PTPRN2: variants seen among roughly 807,000 people sequenced by gnomAD.
PTPRN2 encodes the protein receptor-type tyrosine-protein phosphatase N2.
A neutral mutation model predicts 118.8 loss-of-function variants in PTPRN2; 74 were observed. That is an observed-to-expected ratio of 0.62 (90% CI 0.52 to 0.76). The LOEUF is 0.76. Among genes scored for constraint, PTPRN2 ranks in the 30% least tolerant of loss-of-function variants. The probability of loss-of-function intolerance (pLI) is 0.00; values close to 1 mark genes in which losing one functional copy is unlikely to be tolerated. For missense variants in PTPRN2, 1,481 were observed against 1,394.4 expected, an observed-to-expected ratio of 1.06 and a Z score of -0.99; for synonymous variants, 641 against 608.0, an observed-to-expected ratio of 1.05 and a Z score of -0.80.
chr7:158,272,661 C>T (rs900875014), intron 3 of PTPRN2, among the ~76,000 whole-genome samples: 7 of 152,286 alleles, frequency 4.6e-5, no homozygotes, highest in South Asian at 2.1e-4. Context: ...AGTCAAATCT[C>T]GGAGCACCAG....
chr7:158,280,156 T>C (rs1221136019), intron 3 of PTPRN2, among the ~76,000 whole-genome samples: 1 of 152,234 alleles, frequency 6.6e-6, no homozygotes, highest in Non-Finnish European at 1.5e-5. Flanking sequence ...GACCGCATAA[T>C]ATGAATTGTG....
chr7:158,053,202 A>G (rs1380467558), intron 11 of PTPRN2, among the ~76,000 whole-genome samples: 1 of 152,174 alleles, frequency 6.6e-6, no homozygotes, highest in Admixed American at 6.5e-5. Flanking sequence ...GGAATTTCTG[A>G]GTGTGCCTTC....
At chr7:158,312,238 GCACACACACCTGCACA>G (rs1801852307) in intron 3 of PTPRN2, among the ~76,000 whole-genome samples, 1 of 104,652 alleles carries the variant, frequency 9.6e-6, no homozygotes, top group Admixed American at 8.3e-5. Context: ...CCACACACAT[GCACACACACCTGCACA>G]CGCACTCACG....
At chr7:157,970,520 C>G (rs1162161827) in intron 11 of PTPRN2, among the ~76,000 whole-genome samples, 2 of 152,272 alleles carry the variant, frequency 1.3e-5, no homozygotes, top group East Asian at 3.9e-4. Flanking sequence ...ACGCTGATGG[C>G]GTCCTCACCA....
At chr7:157,562,130 G>A (rs535843253) in intron 21 of PTPRN2, among the ~76,000 whole-genome samples, 1 of 152,210 alleles carries the variant, frequency 6.6e-6, no homozygotes, top group East Asian at 1.9e-4. Flanking sequence ...CCACCAAGGG[G>A]GATCGGCAGT....
intron 2 of PTPRN2, among the ~76,000 whole-genome samples, chr7:158,374,298 T>C (rs921688089): frequency 2.0e-5 from 3 of 152,074 alleles, no homozygotes; most frequent in African/African-American, 7.2e-5. Context: ...CCACTGGAAA[T>C]GGAACTCTCC....
intron 12 of PTPRN2, among the ~76,000 whole-genome samples, chr7:157,714,401 C>A (rs563998836): frequency 1.3e-5 from 2 of 152,162 alleles, no homozygotes; most frequent in East Asian, 3.8e-4. Flanking sequence ...GCTGGGCTTG[C>A]GACCTCAGTC....
At chr7:158,382,769 G>C (rs1811059086) in intron 2 of PTPRN2, among the ~76,000 whole-genome samples, 1 of 152,174 alleles carries the variant, frequency 6.6e-6, no homozygotes, top group South Asian at 2.1e-4. Context: ...GAGTGCTGGG[G>C]AGCAGCTGCA....
chr7:158,271,447 C>T (rs777327418), intron 3 of PTPRN2, among the ~76,000 whole-genome samples: 1 of 152,192 alleles, frequency 6.6e-6, no homozygotes, highest in Non-Finnish European at 1.5e-5. Flanking sequence ...TAAGCAATAC[C>T]AATGGTCACA....
intron 12 of PTPRN2, among the ~76,000 whole-genome samples, chr7:157,697,926 CT>C (rs989041778): frequency 6.7e-6 from 1 of 149,828 alleles, no homozygotes; most frequent in African/African-American, 2.5e-5. Flanking sequence ...CATACTGGGT[CT>C]TGGCAGAGCC....
At chr7:158,520,846 G>A (rs1040774140) in intron 1 of PTPRN2, among the ~76,000 whole-genome samples, 6 of 152,088 alleles carry the variant, frequency 3.9e-5, no homozygotes, top group Admixed American at 1.3e-4. Flanking sequence ...GCACCAGATC[G>A]GTAACCCCAG....
At chr7:158,515,388 T>A (rs1035900513) in intron 1 of PTPRN2, among the ~76,000 whole-genome samples, 1 of 152,120 alleles carries the variant, frequency 6.6e-6, no homozygotes, top group Non-Finnish European at 1.5e-5. Context: ...GGTTTCTCCA[T>A]GTTGGTCAGG....
At chr7:158,434,896 C>T (rs1816471647) in intron 2 of PTPRN2, among the ~76,000 whole-genome samples, 1 of 152,122 alleles carries the variant, frequency 6.6e-6, no homozygotes, top group South Asian at 2.1e-4. Context: ...ACTGGATACA[C>T]ACATGCACAT....
At chr7:158,315,408 C>T (rs910696266) in intron 3 of PTPRN2, among the ~76,000 whole-genome samples, 26 of 151,670 alleles carry the variant, frequency 1.7e-4, no homozygotes, top group African/African-American at 5.6e-4. Context: ...GAACCCAGGA[C>T]GCCCTCAAGG....
At chr7:158,371,115 G>A (rs1057443713) in intron 2 of PTPRN2, among the ~76,000 whole-genome samples, 1 of 152,180 alleles carries the variant, frequency 6.6e-6, no homozygotes, top group Non-Finnish European at 1.5e-5. Flanking sequence ...AACTTGACCA[G>A]GTATGTGACT....
intron 3 of PTPRN2, among the ~76,000 whole-genome samples, chr7:158,296,772 T>C (rs887197879): frequency 1.3e-5 from 2 of 152,170 alleles, no homozygotes; most frequent in African/African-American, 2.4e-5. Flanking sequence ...TTTCACTTCA[T>C]CTCAACCCTC....
chr7:158,363,731 T>C (rs1474023434), intron 2 of PTPRN2, among the ~76,000 whole-genome samples: 1 of 151,798 alleles, frequency 6.6e-6, no homozygotes, highest in East Asian at 1.9e-4. Context: ...CCAGGAGAGG[T>C]CGGGAGGGGG....
At chr7:158,068,938 A>G (rs187145609) in intron 11 of PTPRN2, among the ~76,000 whole-genome samples, 31 of 152,318 alleles carry the variant, frequency 2.0e-4, no homozygotes, top group African/African-American at 7.0e-4. Flanking sequence ...CAGTGCTAAA[A>G]TATCAACACA....
At chr7:157,691,027 G>C (rs1353322443) in intron 12 of PTPRN2, among the ~76,000 whole-genome samples, 2 of 147,822 alleles carry the variant, frequency 1.4e-5, no homozygotes, top group Non-Finnish European at 3.0e-5. Flanking sequence ...GGCCGGCGGC[G>C]GCGCGGCTCG....
Sources: gnomAD v4.1 joint callset for allele counts (sites outside exome capture counted in the v4.1 genomes callset) on GRCh38, gnomAD v4.1.1 for gene constraint, MANE v1.5 for transcripts, NCBI Gene and HGNC (gene_info 2026-07-23, HGNC 2026-07-21) for gene names.